NLGN4X: variants seen among roughly 807,000 people sequenced by gnomAD.
NLGN4X encodes the protein neuroligin 4 X-linked, also known as neuroligin-4, X-linked.
NLGN4X carries 3 observed loss-of-function variants against 40.3 expected under a neutral mutation model. The observed-to-expected ratio is 0.07, with a 90% CI of 0.03 to 0.19. NLGN4X has a LOEUF of 0.19. Ranked by LOEUF, NLGN4X falls within the 10% of genes least tolerant of loss-of-function variation. The pLI is 1.00. For missense variants in NLGN4X, 382 were observed against 708.3 expected (o/e 0.54, Z 5.23); for synonymous variants, 270 against 306.8 (o/e 0.88, Z 1.25).
chrX:6,015,400 CTCTCTG>C (rs973013020), intron 3 of NLGN4X, among the ~76,000 whole-genome samples: 9 of 111,800 alleles, frequency 8.1e-5, no homozygotes, highest in Non-Finnish European at 1.7e-4. Flanking sequence ...CACTCTCTCT[CTCTCTG>C]TCTCCCTCTC....
At chrX:6,123,563 A>T (rs1173559658) in intron 2 of NLGN4X, among the ~76,000 whole-genome samples, 1 of 111,668 alleles carries the variant, frequency 9.0e-6, no homozygotes, top group Non-Finnish European at 1.9e-5. Flanking sequence ...TTAGAATCTA[A>T]CACAGTGTGG....
rs780318915 is a variant in NLGN4X, at chrX:6,113,036, G to A, written c.472+37959C>T. On this transcript the variant is annotated intron_variant, in intron 2 of 5. Coordinates refer to ENST00000381095, the MANE Select transcript of NLGN4X (RefSeq NM_181332.3). Reference sequence around the variant, plus strand: ...ACAAACCAAACAAGGTACCAATCCCGTGACCAGCCCTCCTCAAAACTGTTA... The same window carrying A: ...ACAAACCAAACAAGGTACCAATCCCATGACCAGCCCTCCTCAAAACTGTTA... Among the ~76,000 whole-genome samples the A allele has an allele frequency of 8.2e-5, 9 of 110,237 alleles. No individual in the cohort carries two copies. The South Asian group carries it at 1.2e-3, about 14-fold the overall frequency.
intron 2 of NLGN4X, among the ~76,000 whole-genome samples, chrX:6,036,124 C>T (rs1367634631): frequency 9.0e-6 from 1 of 111,524 alleles, no homozygotes; most frequent in African/African-American, 3.3e-5. Flanking sequence ...ATGTGAGTTG[C>T]CTGCTATCTT....
chrX:5,927,473 T>A (rs1439514239), intron 3 of NLGN4X, among the ~76,000 whole-genome samples: 1 of 112,416 alleles, frequency 8.9e-6, no homozygotes, highest in Non-Finnish European at 1.9e-5. Context: ...AATATTTCTG[T>A]ATTATAGGTT....
intron 2 of NLGN4X, among the ~76,000 whole-genome samples, chrX:6,071,963 C>T (rs778843157): frequency 6.5e-4 from 72 of 110,907 alleles, no homozygotes; most frequent in African/African-American, 2.3e-3. Context: ...TCAGAGTGTG[C>T]ACTCTGACAG....
intron 3 of NLGN4X, among the ~76,000 whole-genome samples, chrX:5,995,063 G>T (rs192439583): frequency 4.4e-5 from 5 of 112,537 alleles, no homozygotes; most frequent in African/African-American, 1.6e-4. Flanking sequence ...TACAATCTTT[G>T]TAACAGCTCC....
chrX:6,001,362 T>A (rs1569179418), intron 3 of NLGN4X, among the ~76,000 whole-genome samples: 36 of 112,171 alleles, frequency 3.2e-4, no homozygotes, highest in Non-Finnish European at 3.8e-5. Context: ...GTGTTTAGTG[T>A]AGAATCAGTG....
At chrX:5,965,584 T>C (rs995870939) in intron 3 of NLGN4X, among the ~76,000 whole-genome samples, 10 of 111,741 alleles carry the variant, frequency 8.9e-5, no homozygotes, top group African/African-American at 3.3e-5. Flanking sequence ...GAAATGATGG[T>C]GGAATGCAGT....
chrX:6,008,661 CATA>C (rs1157128031), intron 3 of NLGN4X, among the ~76,000 whole-genome samples: 3 of 111,482 alleles, frequency 2.7e-5, no homozygotes, highest in African/African-American at 9.8e-5. Flanking sequence ...TCACAGATAC[CATA>C]ATGTTTTATT....
chrX:6,181,690 A>T (rs958279271), intron 1 of NLGN4X, among the ~76,000 whole-genome samples: 1 of 111,703 alleles, frequency 9.0e-6, no homozygotes, highest in Non-Finnish European at 1.9e-5. Flanking sequence ...ACATTAATCC[A>T]TTAATCCTTG....
At chrX:6,177,058 A>G (rs1602371959) in intron 1 of NLGN4X, among the ~76,000 whole-genome samples, 1 of 112,453 alleles carries the variant, frequency 8.9e-6, no homozygotes, top group Non-Finnish European at 1.9e-5. Context: ...ACAAAGTAAA[A>G]GGGAAAATAT....
chrX:5,991,327 C>G, intron 3 of NLGN4X: 1 of 430,593 alleles, frequency 2.3e-6, no homozygotes, highest in Non-Finnish European at 4.3e-6. Flanking sequence ...CCCTTCCCCC[C>G]ACAGCATAAT....
chrX:5,902,954 G>A, intron 5 of NLGN4X, 123 bp downstream of exon 5: 1 of 762,425 alleles, frequency 1.3e-6, no homozygotes, highest in Non-Finnish European at 2.0e-6. Flanking sequence ...GTATGTGTGT[G>A]CATGCATGTG....
chrX:6,031,113 G>C (rs2036846946), intron 2 of NLGN4X, among the ~76,000 whole-genome samples: 1 of 111,976 alleles, frequency 8.9e-6, no homozygotes, highest in African/African-American at 3.2e-5. Flanking sequence ...TTAACAATAT[G>C]AAATGAAAAT....
chrX:5,972,508 A>G (rs1011061948), intron 3 of NLGN4X, among the ~76,000 whole-genome samples: 2 of 111,487 alleles, frequency 1.8e-5, no homozygotes, highest in African/African-American at 6.5e-5. Flanking sequence ...AGTTGTCACT[A>G]AAAGTTCTAA....
At chrX:6,224,977 C>CATATATATAT (rs34139921) in intron 1 of NLGN4X, among the ~76,000 whole-genome samples, 7 of 52,312 alleles carry the variant, frequency 1.3e-4, no homozygotes, top group African/African-American at 5.9e-4. Flanking sequence ...TTAAAATGGC[C>CATATATATAT]ATATATATAT....
At chrX:6,003,455 T>C (rs1030219561) in intron 3 of NLGN4X, among the ~76,000 whole-genome samples, 7 of 112,433 alleles carry the variant, frequency 6.2e-5, no homozygotes, top group African/African-American at 2.3e-4. Context: ...ACTTTTTAGA[T>C]AAAACAGAAT....
Position 5,891,500 on chromosome X carries a change from T to C in NLGN4X, c.*1317A>G, listed in dbSNP as rs1258139325. 1 of 288,201 alleles carries C rather than the reference T, an allele frequency of 3.5e-6. No individual in the cohort carries two copies. Among genetic ancestry groups the C allele is most frequent in the Non-Finnish European group, 6.5e-6 (1 of 153,495 alleles). The allele number at this position is 288,201 out of a possible 1,213,427, so 23.8% of individuals were successfully genotyped here. A position where few individuals can be genotyped will look rare whatever the true frequency, so the allele number is the denominator to read the frequency against. On this transcript the variant is annotated 3_prime_UTR_variant, in exon 6 of 6. Coordinates refer to ENST00000381095, the MANE Select transcript of NLGN4X (RefSeq NM_181332.3). ...CATGTCTTCCTTCAATCTGATTAGC[T>C]AAGCTGAGCAGGTACTTCATCGGCC... is the stretch of plus-strand genomic sequence containing the variant.
At chrX:5,910,420 G>A (rs1387974088) in intron 3 of NLGN4X, among the ~76,000 whole-genome samples, 3 of 109,896 alleles carry the variant, frequency 2.7e-5, no homozygotes, top group Non-Finnish European at 1.9e-5. Flanking sequence ...TTTTTTCCAA[G>A]AGCCATGTCA....
Sources: allele counts gnomAD v4.1 joint callset (sites outside exome capture counted in the v4.1 genomes callset), GRCh38; gene constraint gnomAD v4.1.1; transcripts MANE v1.5; gene names NCBI Gene and HGNC (gene_info 2026-07-23, HGNC 2026-07-21).